ERI3: variants seen among roughly 807,000 people sequenced by gnomAD.
ERI3 encodes the protein ERI1 exoribonuclease 3.
Under a neutral mutation model 44.4 loss-of-function variants are expected in ERI3, and 18 were observed. The observed-to-expected ratio is 0.41, with a 90% CI of 0.28 to 0.60. The LOEUF (loss-of-function observed/expected upper bound fraction) is 0.60, where lower values mean the gene tolerates loss of function less well. Among genes scored for constraint, ERI3 ranks in the 20% least tolerant of loss-of-function variants. The probability of loss-of-function intolerance (pLI) is 0.36; values close to 1 mark genes in which losing one functional copy is unlikely to be tolerated. For synonymous variants in ERI3, 183 were observed against 164.8 expected, an observed-to-expected ratio of 1.11 and a Z score of -0.84; for missense variants, 294 against 435.5, an observed-to-expected ratio of 0.68 and a Z score of 2.89.
intron 2 of ERI3, among the ~76,000 whole-genome samples, chr1:44,352,417 G>GGTCTC (rs1646912338): frequency 4.5e-5 from 1 of 22,194 alleles, no homozygotes; most frequent in Non-Finnish European, 1.4e-4. Context: ...TAGATAGATA[G>GGTCTC]ATAGATAGAT....
intron 7 of ERI3, among the ~76,000 whole-genome samples, chr1:44,282,650 T>A (rs931250058): frequency 2.6e-5 from 4 of 152,200 alleles, no homozygotes. Context: ...AGGACTGAGC[T>A]AAAGTCCAGA....
intron 5 of ERI3, 101 bp downstream of exon 5, chr1:44,313,068 A>G: frequency 1.0e-6 from 1 of 1,000,048 alleles, no homozygotes; most frequent in Non-Finnish European, 1.6e-6. Flanking sequence ...TAATCAAGCC[A>G]TAATCATAGT....
At chr1:44,341,944 A>G (rs1186925539) in intron 2 of ERI3, among the ~76,000 whole-genome samples, 1 of 152,174 alleles carries the variant, frequency 6.6e-6, no homozygotes, top group South Asian at 2.1e-4. Flanking sequence ...GGAAGTCTTG[A>G]GAGTAGACAT....
chr1:44,292,196 C>T (rs1572203154), intron 6 of ERI3, among the ~76,000 whole-genome samples: 1 of 152,058 alleles, frequency 6.6e-6, no homozygotes, highest in Non-Finnish European at 1.5e-5. Flanking sequence ...AGAAGGCTTG[C>T]TGGGGGTGAC....
chr1:44,291,121 G>C (rs1489240375), intron 6 of ERI3, among the ~76,000 whole-genome samples: 1 of 152,178 alleles, frequency 6.6e-6, no homozygotes, highest in Non-Finnish European at 1.5e-5. Context: ...AATTAGTGAG[G>C]GGGTCAAGCT....
chr1:44,249,063 G>A (rs1232151379), intron 7 of ERI3, among the ~76,000 whole-genome samples: 2 of 152,182 alleles, frequency 1.3e-5, no homozygotes, highest in Non-Finnish European at 2.9e-5. Flanking sequence ...TCACTATGAA[G>A]TAGCCAAATA....
At chr1:44,250,376 T>G (rs1421336653) in intron 7 of ERI3, among the ~76,000 whole-genome samples, 1 of 152,120 alleles carries the variant, frequency 6.6e-6, no homozygotes, top group Non-Finnish European at 1.5e-5. Flanking sequence ...ATTAGATGCT[T>G]GCCCCACCGC....
At chr1:44,315,195 G>A (rs1646061248) in intron 4 of ERI3, among the ~76,000 whole-genome samples, 1 of 152,222 alleles carries the variant, frequency 6.6e-6, no homozygotes, top group African/African-American at 2.4e-5. Context: ...TCTGGTCTGA[G>A]TTTCAGGCGG....
intron 3 of ERI3, among the ~76,000 whole-genome samples, chr1:44,332,773 C>T (rs1033580001): frequency 2.0e-5 from 3 of 152,138 alleles, no homozygotes; most frequent in Non-Finnish European, 4.4e-5. Context: ...GGGAGCCAGG[C>T]GGAGGCCCAT....
intron 8 of ERI3, among the ~76,000 whole-genome samples, chr1:44,236,004 C>T (rs1028940907): frequency 1.3e-5 from 2 of 152,228 alleles, no homozygotes; most frequent in African/African-American, 2.4e-5. Context: ...CGCCGCCTTG[C>T]CTGGCTCAGC....
At chr1:44,239,463 C>CTTT (rs1019334646) in intron 8 of ERI3, among the ~76,000 whole-genome samples, 4 of 152,204 alleles carry the variant, frequency 2.6e-5, no homozygotes, top group African/African-American at 9.6e-5. Flanking sequence ...TAAGCGGCTG[C>CTTT]AGGAGGTGAT....
At chr1:44,329,992 G>A (rs1046356481) in intron 3 of ERI3, among the ~76,000 whole-genome samples, 39 of 152,180 alleles carry the variant, frequency 2.6e-4, no homozygotes, top group African/African-American at 9.2e-4. Context: ...TCTCACCATC[G>A]CCAACCAACT....
chr1:44,237,123 C>T (rs951005244), intron 8 of ERI3, among the ~76,000 whole-genome samples: 1 of 152,124 alleles, frequency 6.6e-6, no homozygotes, highest in African/African-American at 2.4e-5. Flanking sequence ...ATCCTGAAGG[C>T]TTAGGTGCTT....
chr1:44,303,378 C>T (rs1645766388), intron 6 of ERI3, among the ~76,000 whole-genome samples: 1 of 152,258 alleles, frequency 6.6e-6, no homozygotes, highest in South Asian at 2.1e-4. Context: ...TACCTACTAA[C>T]AGTCCTCTGT....
chr1:44,292,649 T>A lies in ERI3; in HGVS notation c.759-7742A>T, dbSNP rs528544550. On this transcript the variant is annotated intron_variant, in intron 6 of 8. Coordinates refer to ENST00000372257, the MANE Select transcript of ERI3 (RefSeq NM_024066.3). ...CCAGGCTCAAGCAAGTGTGCGTGCA[T>A]GCACACGTGCGGTCCCTCCATTCTC... Among the ~76,000 whole-genome samples, 100 of 152,194 alleles carry A rather than the reference T, an allele frequency of 6.6e-4. 2 individuals are homozygous for A. The highest frequency in any genetic ancestry group is 2.6e-4 in the Non-Finnish European group (18 of 68,020).
At chr1:44,257,652 G>A (rs1233474912) in intron 7 of ERI3, among the ~76,000 whole-genome samples, 2 of 152,184 alleles carry the variant, frequency 1.3e-5, no homozygotes, top group African/African-American at 2.4e-5. Flanking sequence ...TAAGGCACAG[G>A]GGTGAGTTTC....
At chr1:44,313,146 G>T in intron 5 of ERI3, 23 bp downstream of exon 5, 1 of 1,611,992 alleles carries the variant, frequency 6.2e-7, no homozygotes, top group Non-Finnish European at 8.5e-7. Flanking sequence ...CAGAGGTCAG[G>T]AATTAAAGGT....
intron 3 of ERI3, among the ~76,000 whole-genome samples, chr1:44,329,471 C>A (rs751483186): frequency 6.6e-6 from 1 of 152,212 alleles, no homozygotes; most frequent in Non-Finnish European, 1.5e-5. Context: ...CCTACCCACC[C>A]ATCTGTAACT....
chr1:44,285,747 G>A (rs1264414248), intron 6 of ERI3, among the ~76,000 whole-genome samples: 2 of 152,154 alleles, frequency 1.3e-5, no homozygotes, highest in Non-Finnish European at 2.9e-5. Context: ...CAGAGGTATG[G>A]GCAATGAAAG....
Sources: gnomAD v4.1 joint callset for allele counts (sites outside exome capture counted in the v4.1 genomes callset) on GRCh38, gnomAD v4.1.1 for gene constraint, MANE v1.5 for transcripts, NCBI Gene and HGNC (gene_info 2026-07-23, HGNC 2026-07-21) for gene names.